VANGL1: variants seen among roughly 807,000 people sequenced by gnomAD.
VANGL1 encodes vang-like protein 1.
A neutral mutation model predicts 48.4 loss-of-function variants in VANGL1; 18 were observed. The ratio of observed to expected loss-of-function variants is 0.37; its 90% CI spans 0.26 to 0.55. The LOEUF (loss-of-function observed/expected upper bound fraction) is 0.55, where lower values mean the gene tolerates loss of function less well. VANGL1 is among the 20% of genes least tolerant of loss of function. The pLI, the probability that VANGL1 is intolerant of heterozygous loss-of-function variation, is 0.81. For missense variants in VANGL1, 667 were observed against 675.8 expected (o/e 0.99, Z 0.14); for synonymous variants, 257 against 261.8 (o/e 0.98, Z 0.18).
At chr1:115,664,308 G>A (rs752468474) in intron 4 of VANGL1, 40 bp downstream of exon 4, 2 of 1,604,792 alleles carry the variant, frequency 1.2e-6, no homozygotes, top group South Asian at 2.2e-5. Flanking sequence ...GATGGCTGAT[G>A]TCTTGCTGGG....
chr1:115,665,756 C>A (rs1280451146), intron 4 of VANGL1, among the ~76,000 whole-genome samples: 2 of 152,224 alleles, frequency 1.3e-5, no homozygotes, highest in African/African-American at 2.4e-5. Flanking sequence ...AAGTAGGTCA[C>A]CGCTTTGCTG....
intron 5 of VANGL1, among the ~76,000 whole-genome samples, chr1:115,683,681 G>A (rs555370215): frequency 2.6e-5 from 4 of 152,242 alleles, no homozygotes; most frequent in East Asian, 1.9e-4. Flanking sequence ...AATTGCCACC[G>A]TTCTTCATGC....
At chr1:115,661,426 A>C (rs1012513317) in intron 3 of VANGL1, among the ~76,000 whole-genome samples, 4 of 152,244 alleles carry the variant, frequency 2.6e-5, no homozygotes, top group African/African-American at 9.6e-5. Context: ...TAGTATAATT[A>C]GAATCATATG....
chr1:115,664,032 C>T lies in VANGL1; in HGVS notation c.576C>T (p.Leu192=), dbSNP rs146175997. The change falls in exon 4 of 8, where the codon CTC becomes CTT. Residue 192 remains leucine, a synonymous_variant. Coordinates refer to ENST00000355485, the MANE Select transcript of VANGL1 (RefSeq NM_138959.3). ...TGTTTCGTGCCCTTTTGTTGGTCCTCATCTTTCTCTTTGTGGTTTCCTATT... is the reference window on the plus strand; with the variant it reads ...TGTTTCGTGCCCTTTTGTTGGTCCTTATCTTTCTCTTTGTGGTTTCCTATT... ...VFVFRALLLV[L]IFLFVVSYWL... The T allele has an allele frequency of 3.5e-5, 57 of 1,614,162 alleles. No homozygotes were observed. In the African/African-American group the frequency reaches 7.1e-4, roughly 20 times the overall value.
At position 115,683,264 on chromosome 1, in the gene VANGL1, C is replaced by A. The variant is rs184602176; in HGVS notation, c.947-680C>A. ...TTAGGAAAGATTCCCACTAGTGAAA[C>A]CAAGTCACCAGCCAAGTAGATCATC... On this transcript the variant is annotated intron_variant, in intron 5 of 7. Coordinates refer to ENST00000355485, the MANE Select transcript of VANGL1 (RefSeq NM_138959.3). 2.1e-3 allele frequency among the ~76,000 whole-genome samples: 324 copies of A among 152,312 alleles called. 1 individual carries two copies. The highest frequency in any genetic ancestry group is 3.2e-3 in the Non-Finnish European group (220 of 68,026).
intron 7 of VANGL1, among the ~76,000 whole-genome samples, chr1:115,688,789 CTT>C (rs375754395): frequency 2.4e-5 from 3 of 124,188 alleles, no homozygotes; most frequent in Non-Finnish European, 3.4e-5. Flanking sequence ...TATATTTCTT[CTT>C]TTTTTTTTTT....
chr1:115,675,175 G>A (rs936890364), intron 4 of VANGL1, among the ~76,000 whole-genome samples: 5 of 152,156 alleles, frequency 3.3e-5, no homozygotes, highest in Non-Finnish European at 7.3e-5. Flanking sequence ...TTCAAGCAAA[G>A]GCTGGATGTC....
rs1361830750 is a variant in VANGL1, at chr1:115,659,716, A to G, written c.147A>G (p.Gln49=). ...GRGSEKSVTI[Q]PPTGEPLLGN... ...GGTCAGAAAAGTCTGTCACCATTCA[A>G]CCTCCCACTGGAGAGCCCCTGTTGG... Residue 49 remains glutamine, a synonymous_variant, in exon 3 of 8, where the codon CAA becomes CAG. Transcript: ENST00000355485. The G allele has an allele frequency of 6.2e-6, 10 of 1,613,964 alleles. No homozygotes were observed. The highest frequency in any genetic ancestry group is 3.3e-5 in the Admixed American group (2 of 59,986).
chr1:115,651,296 G>C lies in VANGL1; in HGVS notation c.-118G>C, dbSNP rs1288071593. 4.9e-6 allele frequency: 4 copies of C among 817,576 alleles called. No homozygotes were observed. The highest frequency in any genetic ancestry group is 8.1e-6 in the Non-Finnish European group (4 of 491,428). 50.6% of individuals were successfully genotyped at this position (817,576 alleles called of 1,614,324 possible). ...TCCCAGAATTTGTTCCTGTTGAAGAGTGGCTCCTCTTCTAATTTCCAGACT... is the reference window on the plus strand; with the variant it reads ...TCCCAGAATTTGTTCCTGTTGAAGACTGGCTCCTCTTCTAATTTCCAGACT... On this transcript the variant is annotated 5_prime_UTR_variant, in exon 2 of 8. Coordinates refer to ENST00000355485, the MANE Select transcript of VANGL1 (RefSeq NM_138959.3).
At chr1:115,675,395 G>A (rs536718338) in intron 4 of VANGL1, among the ~76,000 whole-genome samples, 3 of 152,154 alleles carry the variant, frequency 2.0e-5, no homozygotes, top group Non-Finnish European at 4.4e-5. Flanking sequence ...CAGCTACTCC[G>A]GTAGGCCGAG....
At chr1:115,678,506 G>A (rs1444364687) in intron 4 of VANGL1, among the ~76,000 whole-genome samples, 1 of 152,162 alleles carries the variant, frequency 6.6e-6, no homozygotes, top group Non-Finnish European at 1.5e-5. Flanking sequence ...CTGCAGCTTG[G>A]GACAGAGTGG....
chr1:115,658,171 A>G (rs1350274963), intron 2 of VANGL1, among the ~76,000 whole-genome samples: 1 of 152,234 alleles, frequency 6.6e-6, no homozygotes, highest in African/African-American at 2.4e-5. Context: ...TCCCTTGGCC[A>G]TGGGAGCCTC....
rs560718700 is a variant in VANGL1, at chr1:115,697,095, G to C, written c.*5716G>C. 1 of 152,082 alleles carries C rather than the reference G, an allele frequency of 6.6e-6. No homozygotes were observed. The highest frequency in any genetic ancestry group is 1.5e-5 in the Non-Finnish European group (1 of 68,008). 9.4% of individuals were successfully genotyped at this position (152,082 alleles called of 1,614,324 possible). A position where few individuals can be genotyped will look rare whatever the true frequency, so the allele number is the denominator to read the frequency against. ...ATTTAGGAGTGTTTAATTCTAAAAA[G>C]CCTTCAGCCTAAGAAAGCTTCATCT... On this transcript the variant is annotated 3_prime_UTR_variant, in exon 8 of 8. Transcript: ENST00000355485.
Position 115,663,842 on chromosome 1 carries a change from C to T in VANGL1, c.386C>T (p.Ala129Val), listed in dbSNP as rs1652664020. Residue 129 changes from alanine to valine, a missense_variant, in exon 4 of 8, where the codon GCC (alanine) becomes GTC (valine). Coordinates refer to ENST00000355485, the MANE Select transcript of VANGL1 (RefSeq NM_138959.3). ...CTTCTAGTTTTCCTCACCCCTATTG[C>T]CTTCATCCTTTTACCTCCGATCCTG... ...LGLLVFLTPI[A>V]FILLPPILWR... 6.2e-7 allele frequency: 1 copy of T among 1,614,192 alleles called. No individual in the cohort carries two copies. Among genetic ancestry groups the T allele is most frequent in the Non-Finnish European group, 8.5e-7 (1 of 1,180,048 alleles).
chr1:115,683,018 C>T (rs749377456), intron 5 of VANGL1, among the ~76,000 whole-genome samples: 7 of 152,152 alleles, frequency 4.6e-5, no homozygotes, highest in East Asian at 1.9e-4. Context: ...AAACAGGATG[C>T]GGTGTCATTT....
intron 4 of VANGL1, among the ~76,000 whole-genome samples, chr1:115,673,415 A>C (rs1313269777): frequency 6.6e-6 from 1 of 152,152 alleles, no homozygotes; most frequent in Non-Finnish European, 1.5e-5. Flanking sequence ...CAGAAAGTAC[A>C]AAATCTAGGT....
chr1:115,667,219 T>C (rs1652826560), intron 4 of VANGL1, among the ~76,000 whole-genome samples: 1 of 152,216 alleles, frequency 6.6e-6, no homozygotes, highest in South Asian at 2.1e-4. Flanking sequence ...TTTTATCGAA[T>C]TGACTGAGCT....
In VANGL1 at chr1:115,688,871, A is replaced by G. The variant is rs1320218704; in HGVS notation, c.1315-2248A>G. On this transcript the variant is annotated intron_variant, in intron 7 of 7. Coordinates refer to ENST00000355485, the MANE Select transcript of VANGL1 (RefSeq NM_138959.3). ...GTGGCACGATCTCGGCTCACTGCAAACTCCACCTCCCGGGTTCACACCATT... is the reference window on the plus strand; with the variant it reads ...GTGGCACGATCTCGGCTCACTGCAAGCTCCACCTCCCGGGTTCACACCATT... Among the ~76,000 whole-genome samples, 7 of 131,816 alleles carry G rather than the reference A, an allele frequency of 5.3e-5. 1 individual carries two copies. In the Admixed American group the frequency reaches 5.5e-4, roughly 10 times the overall value. The allele number at this position is 131,816 out of a possible 152,430, so 86.5% of individuals were successfully genotyped here. A position where few individuals can be genotyped will look rare whatever the true frequency, so the allele number is the denominator to read the frequency against.
intron 4 of VANGL1, among the ~76,000 whole-genome samples, chr1:115,681,607 A>G (rs772478504): frequency 6.7e-6 from 1 of 150,348 alleles, no homozygotes; most frequent in Non-Finnish European, 1.5e-5. Flanking sequence ...CCTGGGTTCA[A>G]GTGATTCTCC....
Sources: allele counts gnomAD v4.1 joint callset (sites outside exome capture counted in the v4.1 genomes callset), GRCh38; gene constraint gnomAD v4.1.1; transcripts MANE v1.5; gene names NCBI Gene and HGNC (gene_info 2026-07-23, HGNC 2026-07-21).